Variants in TEX9 observed in about 807,000 individuals in gnomAD.
TEX9 encodes testis-expressed protein 9.
In TEX9, 74 loss-of-function variants were observed where a neutral mutation model predicts 59.6. The ratio of observed to expected loss-of-function variants is 1.24; its 90% CI spans 1.03 to 1.51. TEX9 has a LOEUF of 1.51. Among genes scored for constraint, TEX9 ranks in the 40% most tolerant of loss-of-function variants. The pLI is 0.00. For synonymous variants in TEX9, 186 were observed against 152.2 expected, an observed-to-expected ratio of 1.22 and a Z score of -1.64; for missense variants, 522 against 447.8, an observed-to-expected ratio of 1.17 and a Z score of -1.49.
intron 1 of TEX9, among the ~76,000 whole-genome samples, chr15:56,284,753 C>G (rs1484149154): frequency 6.6e-6 from 1 of 152,020 alleles, no homozygotes; most frequent in Non-Finnish European, 1.5e-5. Context: ...ATTGTTTTCC[C>G]CGTCCATCCT....
At chr15:56,383,393 G>T (rs1235037758) in intron 3 of TEX9, among the ~76,000 whole-genome samples, 5 of 152,216 alleles carry the variant, frequency 3.3e-5, no homozygotes, top group Non-Finnish European at 5.9e-5. Flanking sequence ...TTGTGATGAT[G>T]TTTTTGTGTG....
intron 1 of TEX9, among the ~76,000 whole-genome samples, chr15:56,327,950 CTG>C (rs1350249490): frequency 6.6e-6 from 1 of 152,104 alleles, no homozygotes; most frequent in African/African-American, 2.4e-5. Context: ...TAGTGCTGAA[CTG>C]GGCTTGAGGC....
chr15:56,399,583 G>T (rs938419334), intron 9 of TEX9, among the ~76,000 whole-genome samples: 4 of 152,234 alleles, frequency 2.6e-5, no homozygotes, highest in Non-Finnish European at 5.9e-5. Context: ...AAACGTCCCT[G>T]TCTGACAGGT....
At chr15:56,275,185 C>G (rs1201091354) in intron 1 of TEX9, among the ~76,000 whole-genome samples, 1 of 152,130 alleles carries the variant, frequency 6.6e-6, no homozygotes, top group Non-Finnish European at 1.5e-5. Flanking sequence ...GGCTCCTCCC[C>G]CAACGGTTGG....
rs538522058 is a variant in TEX9 at position 56,392,867 on chromosome 15, T to G, written c.572-1298T>G. Among the ~76,000 whole-genome samples, 14 of 152,326 alleles carry G rather than the reference T, an allele frequency of 9.2e-5. No individual in the cohort carries two copies. In the South Asian group the frequency reaches 2.9e-3, roughly 32 times the overall value. On this transcript the variant is annotated intron_variant, in intron 7 of 12. Coordinates refer to ENST00000352903, the Ensembl canonical transcript of TEX9. Reference sequence around the variant, plus strand: ...ATGTCCCATGGCCCTGTTAGAACTTTGCCTCCCTGTGTTCCCTTTTTAGTA... The same window carrying G: ...ATGTCCCATGGCCCTGTTAGAACTTGGCCTCCCTGTGTTCCCTTTTTAGTA...
chr15:56,388,417 G>T (rs1300042008), intron 4 of TEX9, 55 bp from the exon 5 acceptor site: 1 of 1,312,776 alleles, frequency 7.6e-7, no homozygotes, highest in African/African-American at 1.5e-5. Flanking sequence ...GAATTTCATT[G>T]TCTCAGCTCA....
chr15:56,399,421 T>C (rs2048657764), intron 9 of TEX9, among the ~76,000 whole-genome samples: 1 of 152,196 alleles, frequency 6.6e-6, no homozygotes, highest in Non-Finnish European at 1.5e-5. Context: ...GCATCTGCCA[T>C]TGCTGAGGCT....
chr15:56,444,335 C>A (rs1016294041), intron 12 of TEX9: 20 of 824,362 alleles, frequency 2.4e-5, no homozygotes, highest in African/African-American at 3.5e-5. Flanking sequence ...ATTTATTGAG[C>A]ACTTACTATG....
At chr15:56,365,337 C>G, upstream of TEX9, 1 of 1,386,674 alleles carries the variant, frequency 7.2e-7, no homozygotes. Context: ...CCGCTCGCAG[C>G]ACAGAACCTG....
chr15:56,324,007 C>G (rs2045963510), intron 1 of TEX9, among the ~76,000 whole-genome samples: 1 of 152,056 alleles, frequency 6.6e-6, no homozygotes, highest in South Asian at 2.1e-4. Flanking sequence ...TTTTCCATAG[C>G]CACAAACCTG....
At chr15:56,338,046 G>A (rs1362008434) in intron 1 of TEX9, among the ~76,000 whole-genome samples, 2 of 152,148 alleles carry the variant, frequency 1.3e-5, no homozygotes, top group African/African-American at 4.8e-5. Flanking sequence ...TGCCAGTATG[G>A]AGACTCTTTT....
At chr15:56,400,319 C>T (rs1446821342) in intron 9 of TEX9, among the ~76,000 whole-genome samples, 3 of 152,024 alleles carry the variant, frequency 2.0e-5, no homozygotes, top group South Asian at 2.1e-4. Flanking sequence ...AACCACGGCA[C>T]GAAAACTCCG....
At chr15:56,272,019 C>T (rs373115022) in intron 1 of TEX9, among the ~76,000 whole-genome samples, 62 of 151,838 alleles carry the variant, frequency 4.1e-4, no homozygotes, top group South Asian at 1.0e-3. Flanking sequence ...GGGTGGGCAC[C>T]GGTAGTCGCA....
chr15:56,281,812 C>T (rs2044826326), intron 1 of TEX9, among the ~76,000 whole-genome samples: 2 of 152,138 alleles, frequency 1.3e-5, no homozygotes, highest in African/African-American at 2.4e-5. Flanking sequence ...TGCTTTATAG[C>T]TCTACCCAAA....
chr15:56,332,476 G>T (rs7173861), intron 1 of TEX9, among the ~76,000 whole-genome samples: 4 of 132,678 alleles, frequency 3.0e-5, no homozygotes, highest in African/African-American at 1.1e-4. Context: ...TCGTGGGGTG[G>T]GGGGAGGGGG....
intron 3 of TEX9, 114 bp from the exon 4 acceptor site, chr15:56,383,838 T>C: frequency 1.4e-6 from 1 of 696,062 alleles, no homozygotes. Context: ...GCCTTTATGT[T>C]ATGGAAACCT....
chr15:56,401,216 T>G lies in TEX9; in HGVS notation c.828+6382T>G, dbSNP rs28878210. Reference sequence around the variant, plus strand: ...TGGATATAGAGTCAAGACCCATCAGTGTGCTGTATTCAGGAGACCCATCTC... The same window carrying G: ...TGGATATAGAGTCAAGACCCATCAGGGTGCTGTATTCAGGAGACCCATCTC... On this transcript the variant is annotated intron_variant, in intron 9 of 12. Transcript: ENST00000352903. Among the ~76,000 whole-genome samples the G allele has an allele frequency of 5.4e-5, 8 of 148,308 alleles. No individual in the cohort carries two copies. The Admixed American group carries it at 5.5e-4, about 10-fold the overall frequency.
At chr15:56,256,973 A>G (rs958362101) in intron 1 of TEX9, among the ~76,000 whole-genome samples, 8 of 151,330 alleles carry the variant, frequency 5.3e-5, no homozygotes, top group African/African-American at 1.9e-4. Context: ...AGTGTGTTCT[A>G]TTCCCCTCTA....
At chr15:56,373,704 T>G (rs574652996) in intron 3 of TEX9, among the ~76,000 whole-genome samples, 200 bp downstream of exon 3, 2 of 152,320 alleles carry the variant, frequency 1.3e-5, no homozygotes, top group East Asian at 3.9e-4. Context: ...ACACATTTTC[T>G]AAAAGCCACT....
Sources: allele counts gnomAD v4.1 joint callset (sites outside exome capture counted in the v4.1 genomes callset), GRCh38; gene constraint gnomAD v4.1.1; transcripts MANE v1.5; gene names NCBI Gene and HGNC (gene_info 2026-07-23, HGNC 2026-07-21).